Variants in ANKFN1 observed in about 807,000 individuals in gnomAD.
The protein encoded by ANKFN1 is ankyrin repeat and fibronectin type III domain containing 1, also known as ankyrin repeat and fibronectin type-III domain-containing protein 1.
In ANKFN1, 74 loss-of-function variants were observed where a neutral mutation model predicts 108.7. The observed-to-expected ratio is 0.68, with a 90% CI of 0.56 to 0.83. The LOEUF is 0.83. ANKFN1 is among the 40% of genes least tolerant of loss of function. The pLI, the probability that ANKFN1 is intolerant of heterozygous loss-of-function variation, is 0.00. For synonymous variants in ANKFN1, 547 were observed against 516.2 expected (o/e 1.06, Z -0.81); for missense variants, 1,505 against 1,382.3 (o/e 1.09, Z -1.41).
chr17:56,226,978 T>C (rs1277838111), intron 2 of ANKFN1, among the ~76,000 whole-genome samples: 1 of 152,136 alleles, frequency 6.6e-6, no homozygotes, highest in Non-Finnish European at 1.5e-5. Flanking sequence ...ATGGTAGAGC[T>C]TGGAAAAACA....
intron 20 of ANKFN1, among the ~76,000 whole-genome samples, chr17:56,503,891 G>C (rs2051464839): frequency 6.6e-6 from 1 of 152,228 alleles, no homozygotes; most frequent in African/African-American, 2.4e-5. Context: ...GGCCCTCTCA[G>C]GGAAATTGAG....
At chr17:56,112,248 C>G (rs1906008277) in intron 4 of ANKFN1, among the ~76,000 whole-genome samples, 1 of 151,994 alleles carries the variant, frequency 6.6e-6, no homozygotes, top group African/African-American at 2.4e-5. Flanking sequence ...AATATCATTC[C>G]TGAGGGAGTT....
intron 20 of ANKFN1, among the ~76,000 whole-genome samples, chr17:56,501,488 A>AT (rs1218495944): frequency 6.6e-6 from 1 of 152,072 alleles, no homozygotes; most frequent in African/African-American, 2.4e-5. Context: ...CCAAAAAAAA[A>AT]GGTAAGAGAG....
At chr17:56,261,370 C>T (rs981377751) in intron 3 of ANKFN1, among the ~76,000 whole-genome samples, 1 of 152,208 alleles carries the variant, frequency 6.6e-6, no homozygotes, top group Non-Finnish European at 1.5e-5. Flanking sequence ...ACCTGGGTAG[C>T]TCTATAACTC....
At chr17:56,456,578 A>G (rs1019383891) in intron 11 of ANKFN1, among the ~76,000 whole-genome samples, 156 of 151,806 alleles carry the variant, frequency 1.0e-3, no homozygotes, top group African/African-American at 3.4e-3. Flanking sequence ...TTGTATTTTT[A>G]GTAGAGACAG....
At chr17:56,109,523 AC>A (rs1905839763) in intron 4 of ANKFN1, among the ~76,000 whole-genome samples, 1 of 152,010 alleles carries the variant, frequency 6.6e-6, no homozygotes, top group South Asian at 2.1e-4. Context: ...AGCAAAAATC[AC>A]CCCTGGTTGA....
intron 4 of ANKFN1, among the ~76,000 whole-genome samples, chr17:56,333,663 G>A (rs1255410764): frequency 6.6e-6 from 1 of 151,618 alleles, no homozygotes; most frequent in Non-Finnish European, 1.5e-5. Flanking sequence ...CTTTTTCCTG[G>A]TTTTAGTATC....
At chr17:56,177,907 A>G (rs1911323043) in intron 1 of ANKFN1, among the ~76,000 whole-genome samples, 1 of 152,168 alleles carries the variant, frequency 6.6e-6, no homozygotes, top group Non-Finnish European at 1.5e-5. Flanking sequence ...ATATTCTCCA[A>G]TTAAGTTCAT....
At chr17:56,246,838 T>C (rs1333834836) in intron 3 of ANKFN1, among the ~76,000 whole-genome samples, 1 of 152,138 alleles carries the variant, frequency 6.6e-6, no homozygotes, top group African/African-American at 2.4e-5. Flanking sequence ...ATACATGTTG[T>C]AGGGGAGTTT....
At chr17:56,425,188 G>T (rs2048523203) in intron 8 of ANKFN1, among the ~76,000 whole-genome samples, 1 of 151,772 alleles carries the variant, frequency 6.6e-6, no homozygotes, top group Non-Finnish European at 1.5e-5. Flanking sequence ...AGCTTGTGAT[G>T]CTGTGATGCC....
At chr17:56,050,360 G>A (rs1212735765) in intron 4 of ANKFN1, among the ~76,000 whole-genome samples, 1 of 145,826 alleles carries the variant, frequency 6.9e-6, no homozygotes, top group South Asian at 2.3e-4. Context: ...CACTCTGATG[G>A]TAGTTTCTTT....
rs146758908 is a variant in ANKFN1 at position 56,399,273 on chromosome 17, A to T, written c.910+24559A>T. Reference sequence around the variant, plus strand: ...TAAAATTTCTAGAATAAAACATGGGAGAAATCTTTTATAACTACAAAAGGA... The same window carrying T: ...TAAAATTTCTAGAATAAAACATGGGTGAAATCTTTTATAACTACAAAAGGA... On this transcript the variant is annotated intron_variant, in intron 8 of 20. Coordinates refer to ENST00000682825, the MANE Select transcript of ANKFN1 (RefSeq NM_001370326.1). Among the ~76,000 whole-genome samples the T allele has an allele frequency of 8.0e-4, 122 of 152,252 alleles. 1 individual carries two copies. The highest frequency in any genetic ancestry group is 3.5e-4 in the Non-Finnish European group (24 of 68,000).
intron 4 of ANKFN1, among the ~76,000 whole-genome samples, chr17:56,089,415 A>C (rs1905374250): frequency 1.3e-5 from 2 of 151,468 alleles, no homozygotes. Context: ...CTCTGGAAGA[A>C]AGTTCTAAAA....
intron 8 of ANKFN1, among the ~76,000 whole-genome samples, chr17:56,404,865 T>C (rs2047871437): frequency 1.3e-5 from 2 of 152,362 alleles, no homozygotes; most frequent in South Asian, 2.1e-4. Flanking sequence ...CTTGATGTAA[T>C]ACTCTCCCCC....
intron 11 of ANKFN1, among the ~76,000 whole-genome samples, chr17:56,451,811 A>T (rs189726831): frequency 6.6e-6 from 1 of 152,288 alleles, no homozygotes; most frequent in Admixed American, 6.5e-5. Flanking sequence ...TATTCCATAG[A>T]ATTGAAGTGT....
Position 56,481,007 on chromosome 17 carries a change from G to C in ANKFN1, c.2091+189G>C, listed in dbSNP as rs117828281. Among the ~76,000 whole-genome samples the C allele has an allele frequency of 1.8e-3, 253 of 140,662 alleles. 4 individuals are homozygous for C. Among genetic ancestry groups the C allele is most frequent in the East Asian group, 0.011 (55 of 4,798 alleles). The allele number at this position is 140,662 out of a possible 152,430, so 92.3% of individuals were successfully genotyped here. A position where few individuals can be genotyped will look rare whatever the true frequency, so the allele number is the denominator to read the frequency against. On this transcript the variant is annotated intron_variant, in intron 17 of 20. Transcript: ENST00000682825. ...ACAGGTAGACACAGCCTGCGCTTCT[G>C]TTCCTTTCCTCCAGCTCCTCTGTGT... is the stretch of plus-strand genomic sequence containing the variant.
intron 3 of ANKFN1, among the ~76,000 whole-genome samples, chr17:56,255,417 C>G (rs1422388484): frequency 6.6e-6 from 1 of 152,122 alleles, no homozygotes; most frequent in Non-Finnish European, 1.5e-5. Context: ...GGTTTGCCCC[C>G]ACAAAAGACA....
intron 4 of ANKFN1, among the ~76,000 whole-genome samples, chr17:56,125,411 C>A (rs937708172): frequency 6.6e-6 from 1 of 152,028 alleles, no homozygotes; most frequent in Non-Finnish European, 1.5e-5. Context: ...AAAAAGGAAC[C>A]TGGGAAAAAA....
intron 10 of ANKFN1, 87 bp downstream of exon 10, chr17:56,443,020 C>G (rs183029997): frequency 4.5e-6 from 6 of 1,343,096 alleles, no homozygotes; most frequent in African/African-American, 2.9e-5. Context: ...ATTCCCTTCC[C>G]CCACTGCTTG....
Sources: gnomAD v4.1 joint callset for allele counts (sites outside exome capture counted in the v4.1 genomes callset) on GRCh38, gnomAD v4.1.1 for gene constraint, MANE v1.5 for transcripts, NCBI Gene and HGNC (gene_info 2026-07-23, HGNC 2026-07-21) for gene names.